Variants in IL1RAPL1 observed in about 807,000 individuals in gnomAD.
The protein encoded by IL1RAPL1 is interleukin-1 receptor accessory protein-like 1.
A neutral mutation model predicts 48.4 loss-of-function variants in IL1RAPL1; 3 were observed. That is an observed-to-expected ratio of 0.06 (90% CI 0.03 to 0.16). The LOEUF is 0.16. Ranked by LOEUF, IL1RAPL1 falls within the 10% of genes least tolerant of loss-of-function variation. IL1RAPL1 has a pLI of 1.00. For missense variants in IL1RAPL1, 349 were observed against 530.6 expected (o/e 0.66, Z 3.36); for synonymous variants, 185 against 187.7 (o/e 0.99, Z 0.12).
At chrX:29,160,050 A>C (rs1340369592) in intron 2 of IL1RAPL1, among the ~76,000 whole-genome samples, 1 of 112,026 alleles carries the variant, frequency 8.9e-6, no homozygotes, top group Non-Finnish European at 1.9e-5. Flanking sequence ...GGAAATTTTC[A>C]CAATATTGCT....
chrX:29,955,034 A>G, intron 10 of IL1RAPL1, 68 bp from the exon 11 acceptor site: 1 of 876,125 alleles, frequency 1.1e-6, no homozygotes, highest in Non-Finnish European at 1.7e-6. Context: ...CTGAAAGAGA[A>G]TCTACTAGGA....
intron 5 of IL1RAPL1, among the ~76,000 whole-genome samples, chrX:29,478,642 C>A (rs887273427): frequency 6.3e-5 from 7 of 111,406 alleles, no homozygotes; most frequent in Non-Finnish European, 9.4e-5. Flanking sequence ...TTAACCCCAT[C>A]CCCTTCTTTC....
intron 3 of IL1RAPL1, among the ~76,000 whole-genome samples, chrX:29,376,270 G>A (rs1216074186): frequency 2.7e-5 from 3 of 111,262 alleles, no homozygotes; most frequent in Non-Finnish European, 5.7e-5. Flanking sequence ...GATATATCCC[G>A]ATTTTCATTA....
intron 6 of IL1RAPL1, among the ~76,000 whole-genome samples, chrX:29,897,604 T>G (rs780860389): frequency 2.7e-5 from 3 of 112,286 alleles, no homozygotes; most frequent in Non-Finnish European, 5.6e-5. Flanking sequence ...ATAGTGGAGC[T>G]AGTTTAAAAT....
At chrX:29,391,540 T>G (rs1261567388) in intron 3 of IL1RAPL1, among the ~76,000 whole-genome samples, 2 of 111,048 alleles carry the variant, frequency 1.8e-5, no homozygotes, top group African/African-American at 6.5e-5. Context: ...TTTTGGGGAC[T>G]TTAAGGACCT....
chrX:29,757,581 T>C (rs1928650849), intron 6 of IL1RAPL1, among the ~76,000 whole-genome samples: 1 of 112,331 alleles, frequency 8.9e-6, no homozygotes, highest in East Asian at 2.8e-4. Context: ...ACTCAAGTGA[T>C]ATGTGTTTTA....
rs1003837226 is a variant in IL1RAPL1, at chrX:29,213,421, G to T, written c.83-69517G>T. Among the ~76,000 whole-genome samples, 3 of 112,751 alleles carry T rather than the reference G, an allele frequency of 2.7e-5. No homozygotes were observed. The Admixed American group carries it at 2.8e-4, about 11-fold the overall frequency. ...GCACTTTCTACCCATGCCTCAAACT[G>T]CCTAGTCTTTGTATAGTAACCGGAA... On this transcript the variant is annotated intron_variant, in intron 2 of 10. Coordinates refer to ENST00000378993, the MANE Select transcript of IL1RAPL1 (RefSeq NM_014271.4).
In IL1RAPL1 at chrX:29,673,095, G is replaced by T. The variant is rs188551630; in HGVS notation, c.778+4591G>T. ...CTTGTTCCACCATACTGTAGTTGCA[G>T]AATTTTAGATTTGGAATAGACCAAA... On this transcript the variant is annotated intron_variant, in intron 6 of 10. Coordinates refer to ENST00000378993, the MANE Select transcript of IL1RAPL1 (RefSeq NM_014271.4). Among the ~76,000 whole-genome samples, 3 of 111,919 alleles carry T rather than the reference G, an allele frequency of 2.7e-5. No homozygotes were observed. The Admixed American group carries it at 2.8e-4, about 11-fold the overall frequency.
At chrX:29,654,151 A>C (rs1334481186) in intron 5 of IL1RAPL1, among the ~76,000 whole-genome samples, 2 of 109,461 alleles carry the variant, frequency 1.8e-5, no homozygotes, top group East Asian at 5.8e-4. Flanking sequence ...GTAGCTTTTC[A>C]ATTTAATGCA....
chrX:29,512,168 G>A lies in IL1RAPL1; in HGVS notation c.703+112860G>A, dbSNP rs565819515. 7.3e-5 allele frequency among the ~76,000 whole-genome samples: 8 copies of A among 110,078 alleles called. No individual in the cohort carries two copies. The South Asian group carries it at 3.1e-3, about 43-fold the overall frequency. ...ACAAAATCGAGTCTTACATAAATCT[G>A]TATATCCGTAACATGTAATGGTGTA... On this transcript the variant is annotated intron_variant, in intron 5 of 10. Coordinates refer to ENST00000378993, the MANE Select transcript of IL1RAPL1 (RefSeq NM_014271.4).
chrX:28,942,535 A>G (rs1365736440), intron 2 of IL1RAPL1: 1 of 108,139 alleles, frequency 9.2e-6, no homozygotes, highest in South Asian at 3.9e-4. Flanking sequence ...CTTATTTCAC[A>G]TGGAATCCTA....
chrX:29,313,067 C>G (rs1333552519), intron 3 of IL1RAPL1, among the ~76,000 whole-genome samples: 1 of 111,790 alleles, frequency 8.9e-6, no homozygotes, highest in Non-Finnish European at 1.9e-5. Flanking sequence ...GCCATTCGTA[C>G]TTTAAATGTA....
intron 5 of IL1RAPL1, among the ~76,000 whole-genome samples, chrX:29,639,185 CAA>C (rs57219766): frequency 1.5e-4 from 8 of 53,276 alleles, no homozygotes; most frequent in African/African-American, 3.6e-4. Flanking sequence ...GACTCCGTCT[CAA>C]AAAAAAAAAA....
intron 1 of IL1RAPL1, among the ~76,000 whole-genome samples, chrX:28,752,963 G>A (rs1166636213): frequency 8.9e-6 from 1 of 112,177 alleles, no homozygotes; most frequent in Non-Finnish European, 1.9e-5. Flanking sequence ...TCTCTCTTAG[G>A]CATCTTTATA....
chrX:29,740,124 A>G (rs1928162762), intron 6 of IL1RAPL1, among the ~76,000 whole-genome samples: 1 of 81,373 alleles, frequency 1.2e-5, no homozygotes, highest in Admixed American at 1.3e-4. Context: ...AAAAAACAGA[A>G]AAAAAAAAAA....
In IL1RAPL1 at chrX:28,653,443, C is replaced by T. The variant is rs185115212; in HGVS notation, c.-25+65396C>T. The stretch of plus-strand genomic sequence containing the variant: ...TGAGCTGATATCATGCCACTGCACT[C>T]CAGCCTGGGCGACAGAGAGAGACTG... On this transcript the variant is annotated intron_variant, in intron 1 of 10. Transcript: ENST00000378993. 6.6e-3 allele frequency among the ~76,000 whole-genome samples: 721 copies of T among 109,939 alleles called. 2 individuals carry two copies. The highest frequency in any genetic ancestry group is 0.028 in the Middle Eastern group (6 of 217).
chrX:29,629,785 C>T (rs778917263), intron 5 of IL1RAPL1, among the ~76,000 whole-genome samples: 63 of 111,834 alleles, frequency 5.6e-4, no homozygotes, highest in African/African-American at 2.0e-3. Flanking sequence ...AAACAAAGAA[C>T]GAAAAGATCA....
At chrX:29,299,746 T>C (rs1344064909) in intron 3 of IL1RAPL1, among the ~76,000 whole-genome samples, 1 of 112,325 alleles carries the variant, frequency 8.9e-6, no homozygotes, top group Non-Finnish European at 1.9e-5. Flanking sequence ...ATGATTCTTA[T>C]CCACATTAAG....
intron 6 of IL1RAPL1, among the ~76,000 whole-genome samples, chrX:29,743,152 ATT>A (rs1199085678): frequency 9.2e-6 from 1 of 108,633 alleles, no homozygotes; most frequent in Non-Finnish European, 1.9e-5. Context: ...CAAATTATAT[ATT>A]AATATAATGT....
Sources: gnomAD v4.1 joint callset for allele counts (sites outside exome capture counted in the v4.1 genomes callset) on GRCh38, gnomAD v4.1.1 for gene constraint, MANE v1.5 for transcripts, NCBI Gene and HGNC (gene_info 2026-07-23, HGNC 2026-07-21) for gene names.